The following LSAMP variants were observed in gnomAD, a reference collection of about 807,000 sequenced individuals.
The protein encoded by LSAMP is limbic system associated membrane protein, also known as limbic system-associated membrane protein.
Under a neutral mutation model 38.6 loss-of-function variants are expected in LSAMP, and 7 were observed. That is an observed-to-expected ratio of 0.18 (90% CI 0.10 to 0.34). The LOEUF is 0.34. Among genes scored for constraint, LSAMP ranks in the 10% least tolerant of loss-of-function variants. The pLI is 1.00. For missense variants in LSAMP, 313 were observed against 420.0 expected, an observed-to-expected ratio of 0.75 and a Z score of 2.23; for synonymous variants, 154 against 166.8, an observed-to-expected ratio of 0.92 and a Z score of 0.59.
At chr3:116,197,134 C>CGG (rs1710904107) in intron 1 of LSAMP, among the ~76,000 whole-genome samples, 12 of 148,658 alleles carry the variant, frequency 8.1e-5, no homozygotes, top group Admixed American at 8.0e-4. Flanking sequence ...CACTCGGACA[C>CGG]ACACACACAC....
At chr3:115,939,859 T>G (rs1937851048) in intron 3 of LSAMP, among the ~76,000 whole-genome samples, 1 of 151,686 alleles carries the variant, frequency 6.6e-6, no homozygotes, top group African/African-American at 2.4e-5. Flanking sequence ...CTTCTAGGAG[T>G]TTTATGGTTT....
intron 1 of LSAMP, among the ~76,000 whole-genome samples, chr3:116,169,029 G>A (rs776196170): frequency 9.2e-5 from 14 of 152,018 alleles, no homozygotes; most frequent in Non-Finnish European, 1.3e-4. Flanking sequence ...AGCAAGACAC[G>A]GTTTTCACAA....
At chr3:116,009,676 T>C (rs978874025) in intron 3 of LSAMP, among the ~76,000 whole-genome samples, 5 of 152,144 alleles carry the variant, frequency 3.3e-5, no homozygotes, top group African/African-American at 1.2e-4. Context: ...AAGGGTTTTA[T>C]AGTAAATTAC....
At chr3:116,027,993 T>C (rs2107699344) in intron 2 of LSAMP, among the ~76,000 whole-genome samples, 1 of 152,294 alleles carries the variant, frequency 6.6e-6, no homozygotes, top group Middle Eastern at 3.4e-3. Flanking sequence ...GGTGGGGTCT[T>C]AAAGAAACAC....
intron 1 of LSAMP, among the ~76,000 whole-genome samples, chr3:116,099,929 G>C (rs763611568): frequency 6.6e-6 from 1 of 152,012 alleles, no homozygotes; most frequent in Non-Finnish European, 1.5e-5. Flanking sequence ...GCTCCATGTA[G>C]ATATTTGAGG....
chr3:115,887,734 C>G (rs549452661), intron 3 of LSAMP, among the ~76,000 whole-genome samples: 37 of 151,730 alleles, frequency 2.4e-4, no homozygotes, highest in Middle Eastern at 3.4e-3. Flanking sequence ...TATATATATC[C>G]ACAATATTTT....
At chr3:116,150,910 T>TAC (rs3071082) in intron 1 of LSAMP, among the ~76,000 whole-genome samples, 126,059 of 151,856 alleles carry the variant, frequency 0.83, 52,675 homozygotes, top group East Asian at 0.93. Flanking sequence ...GTCATTTCAC[T>TAC]CTTAGCATAT....
At chr3:116,242,674 C>T (rs1388781562) in intron 1 of LSAMP, among the ~76,000 whole-genome samples, 1 of 151,568 alleles carries the variant, frequency 6.6e-6, no homozygotes, top group Non-Finnish European at 1.5e-5. Context: ...GCTTTGGTTC[C>T]ACTTTCTTTC....
intron 1 of LSAMP, among the ~76,000 whole-genome samples, chr3:116,430,087 T>A (rs2049261236): frequency 6.6e-6 from 1 of 152,180 alleles, no homozygotes; most frequent in Non-Finnish European, 1.5e-5. Flanking sequence ...TATGCATGTG[T>A]ATGAAGCTGG....
intron 2 of LSAMP, among the ~76,000 whole-genome samples, chr3:116,075,371 C>G (rs1331621555): frequency 6.7e-6 from 1 of 149,080 alleles, no homozygotes; most frequent in Non-Finnish European, 1.5e-5. Flanking sequence ...TTCCTGACCT[C>G]GTGATCCGCC....
At chr3:116,051,636 A>G (rs1011871128) in intron 2 of LSAMP, among the ~76,000 whole-genome samples, 3 of 152,232 alleles carry the variant, frequency 2.0e-5, no homozygotes, top group Non-Finnish European at 4.4e-5. Context: ...TTGGGCAGAC[A>G]GAATCCAGAC....
chr3:115,830,450 T>C (rs1003311847), intron 6 of LSAMP, among the ~76,000 whole-genome samples: 1 of 152,170 alleles, frequency 6.6e-6, no homozygotes, highest in African/African-American at 2.4e-5. Flanking sequence ...TATATGTGCC[T>C]GGGTGCAATA....
chr3:115,985,788 T>G (rs1939493471), intron 3 of LSAMP, among the ~76,000 whole-genome samples: 1 of 152,150 alleles, frequency 6.6e-6, no homozygotes, highest in South Asian at 2.1e-4. Flanking sequence ...TAGGTGAACT[T>G]GGAAGTAGAC....
At chr3:116,126,556 T>C (rs1397015111) in intron 1 of LSAMP, among the ~76,000 whole-genome samples, 2 of 152,126 alleles carry the variant, frequency 1.3e-5, no homozygotes, top group Non-Finnish European at 2.9e-5. Context: ...ATTTATCCCT[T>C]AAGAGGTTAA....
intron 1 of LSAMP, among the ~76,000 whole-genome samples, chr3:116,382,040 A>T (rs1383022056): frequency 6.6e-6 from 1 of 152,166 alleles, no homozygotes; most frequent in Non-Finnish European, 1.5e-5. Flanking sequence ...GTGGAGAAAC[A>T]GGAATACTTT....
At chr3:116,101,026 C>G (rs1412537713) in intron 1 of LSAMP, among the ~76,000 whole-genome samples, 1 of 152,178 alleles carries the variant, frequency 6.6e-6, no homozygotes, top group African/African-American at 2.4e-5. Flanking sequence ...CTTTTCATCA[C>G]TATTTTAAGA....
At chr3:116,273,259 A>G (rs1348665726) in intron 1 of LSAMP, among the ~76,000 whole-genome samples, 1 of 151,868 alleles carries the variant, frequency 6.6e-6, no homozygotes, top group Non-Finnish European at 1.5e-5. Flanking sequence ...TCCCATTCTC[A>G]TCCTGGCTTC....
intron 2 of LSAMP, among the ~76,000 whole-genome samples, chr3:116,063,602 A>T (rs1467953918): frequency 6.6e-6 from 1 of 152,206 alleles, no homozygotes; most frequent in Non-Finnish European, 1.5e-5. Flanking sequence ...GATATTTACC[A>T]ATATAATTTT....
chr3:116,173,159 A>G (rs13062139), intron 1 of LSAMP, among the ~76,000 whole-genome samples: 75,899 of 151,834 alleles, frequency 0.5, 21,469 homozygotes, highest in East Asian at 0.74. Flanking sequence ...TGCAATCTTA[A>G]CACAAAAATG....
Sources: gnomAD v4.1 joint callset for allele counts (sites outside exome capture counted in the v4.1 genomes callset) on GRCh38, gnomAD v4.1.1 for gene constraint, MANE v1.5 for transcripts, NCBI Gene and HGNC (gene_info 2026-07-23, HGNC 2026-07-21) for gene names.